The following ATG7 variants were observed in gnomAD, a reference collection of about 807,000 sequenced individuals.
The protein encoded by ATG7 is autophagy related 7, also known as ubiquitin-like modifier-activating enzyme ATG7.
ATG7 carries 70 observed loss-of-function variants against 82.4 expected under a neutral mutation model. That is an observed-to-expected ratio of 0.85 (90% CI 0.70 to 1.04). The LOEUF (loss-of-function observed/expected upper bound fraction) is 1.04, where lower values mean the gene tolerates loss of function less well. Among genes scored for constraint, ATG7 ranks in the 50% least tolerant of loss-of-function variants. The probability of loss-of-function intolerance (pLI) is 0.00; values close to 1 mark genes in which losing one functional copy is unlikely to be tolerated. For missense variants in ATG7, 792 were observed against 864.3 expected (o/e 0.92, Z 1.05); for synonymous variants, 287 against 313.0 (o/e 0.92, Z 0.88).
At chr3:11,513,277 T>A (rs572608142) in intron 20 of ATG7, among the ~76,000 whole-genome samples, 9 of 152,328 alleles carry the variant, frequency 5.9e-5, no homozygotes, top group African/African-American at 2.2e-4. Flanking sequence ...TGGATGAGAC[T>A]GGGCGCCGTG....
intron 20 of ATG7, among the ~76,000 whole-genome samples, chr3:11,472,424 CTA>C (rs150308973): frequency 0.011 from 1,705 of 152,182 alleles, 28 homozygotes; most frequent in African/African-American, 0.039. Flanking sequence ...GACCCTGTCA[CTA>C]TGGTAGAGGA....
chr3:11,282,699 T>C (rs1313840669), intron 3 of ATG7, among the ~76,000 whole-genome samples: 1 of 152,260 alleles, frequency 6.6e-6, no homozygotes, highest in Non-Finnish European at 1.5e-5. Context: ...CTCTTTCTTC[T>C]AAGTTTAGAA....
chr3:11,388,873 G>A (rs1284641322), intron 19 of ATG7, among the ~76,000 whole-genome samples: 1 of 152,062 alleles, frequency 6.6e-6, no homozygotes, highest in Admixed American at 6.5e-5. Context: ...AGCTGGAACT[G>A]GGAAAGCTTT....
the ATG7 span, among the ~76,000 whole-genome samples, chr3:11,571,936 G>C: frequency 1.8e-3 from 275 of 152,244 alleles, 2 homozygotes; most frequent in Non-Finnish European, 2.8e-4. Context: ...GCAAAACCCT[G>C]TCTCTACTAA....
intron 19 of ATG7, among the ~76,000 whole-genome samples, chr3:11,417,815 A>T (rs28858107): frequency 0.32 from 20,452 of 63,456 alleles, 2,298 homozygotes; most frequent in East Asian, 0.57. Flanking sequence ...ATTTTATTTT[A>T]TTTTTTTTTT....
intron 20 of ATG7, among the ~76,000 whole-genome samples, chr3:11,535,692 C>T (rs1174828428): frequency 1.3e-5 from 2 of 152,134 alleles, no homozygotes; most frequent in African/African-American, 2.4e-5. Flanking sequence ...TTCAACCAGG[C>T]TCCTTGGTAA....
At chr3:11,406,758 C>T (rs13092966) in intron 19 of ATG7, among the ~76,000 whole-genome samples, 31,952 of 152,002 alleles carry the variant, frequency 0.21, 3,800 homozygotes, top group South Asian at 0.34. Context: ...GAGAAACTCC[C>T]ATTCTTAAAA....
At chr3:11,536,939 T>G (rs749419853) in intron 20 of ATG7, among the ~76,000 whole-genome samples, 207 of 152,236 alleles carry the variant, frequency 1.4e-3, no homozygotes, top group Non-Finnish European at 1.9e-3. Context: ...TAAAATATAA[T>G]CTGAACCCGT....
intron 20 of ATG7, among the ~76,000 whole-genome samples, chr3:11,549,400 C>T (rs918015493): frequency 5.3e-5 from 8 of 152,194 alleles, no homozygotes; most frequent in Non-Finnish European, 1.2e-4. Flanking sequence ...TTCCAGTGTA[C>T]AGTCCAGCAT....
rs759625928 is a variant in ATG7, at chr3:11,554,797, CCTT to C, written c.2080-11_2080-9del. On this transcript the variant is annotated splice_polypyrimidine_tract_variant and intron_variant, in intron 20 of 20. Transcript: ENST00000693202. ...TGGGACATCTCGGCTGAGCCTCTCC[CCTT>C]CTCCATGCAGATCTGGGACATGAGC... The C allele has an allele frequency of 6.2e-7, 1 of 1,613,280 alleles. No homozygotes were observed. Among genetic ancestry groups the C allele is most frequent in the African/African-American group, 1.3e-5 (1 of 75,024 alleles).
chr3:11,574,310 C>A, the ATG7 span, among the ~76,000 whole-genome samples: 2 of 152,192 alleles, frequency 1.3e-5, no homozygotes, highest in East Asian at 3.9e-4. Context: ...AAAGCTTCCT[C>A]TGGACATTTA....
intron 14 of ATG7, 116 bp downstream of exon 14, chr3:11,348,151 C>A: frequency 7.2e-7 from 1 of 1,382,206 alleles, no homozygotes; most frequent in Non-Finnish European, 9.8e-7. Context: ...TTCTACCAGC[C>A]ACTCGCTATG....
intron 19 of ATG7, among the ~76,000 whole-genome samples, chr3:11,422,760 TTTTTTTTTTG>T: frequency 7.5e-6 from 1 of 133,850 alleles, no homozygotes. Context: ...TTTTTTTTTT[TTTTTTTTTTG>T]GAGACAGAGT....
chr3:11,287,456 A>G (rs1944273899), intron 3 of ATG7, among the ~76,000 whole-genome samples: 1 of 152,182 alleles, frequency 6.6e-6, no homozygotes, highest in Non-Finnish European at 1.5e-5. Flanking sequence ...AGCGGCTGCT[A>G]AGGAGCATCA....
At chr3:11,574,946 A>G in the ATG7 span, among the ~76,000 whole-genome samples, 1 of 152,064 alleles carries the variant, frequency 6.6e-6, no homozygotes, top group Non-Finnish European at 1.5e-5. Flanking sequence ...TTGTCGGCCG[A>G]GTTACCATCC....
chr3:11,479,535 C>G (rs1488474799), intron 20 of ATG7, among the ~76,000 whole-genome samples: 1 of 152,178 alleles, frequency 6.6e-6, no homozygotes, highest in Non-Finnish European at 1.5e-5. Flanking sequence ...TTCAACTAGT[C>G]CAAGTCCACC....
In ATG7 at chr3:11,546,836, G is replaced by T. The variant is rs74849862; in HGVS notation, c.2080-7975G>T. ...TGCAGGGCAGCGGCCAGTGGGGAGC[G>T]CTGAGGTGCTCAGGTCAGGCTGACC... On this transcript the variant is annotated intron_variant, in intron 20 of 20. Transcript: ENST00000693202. Among the ~76,000 whole-genome samples the T allele has an allele frequency of 2.1e-3, 325 of 152,330 alleles. 1 individual carries two copies. The highest frequency in any genetic ancestry group is 7.6e-3 in the African/African-American group (315 of 41,588).
In ATG7 at chr3:11,378,409, G is replaced by A. The variant is rs541802918; in HGVS notation, c.1876-1563G>A. ...TAGAAATGATAAATTCGGGCTGGGCGCGGTGGCTCACGCCCGTAACCCCAG... is the reference window on the plus strand; with the variant it reads ...TAGAAATGATAAATTCGGGCTGGGCACGGTGGCTCACGCCCGTAACCCCAG... On this transcript the variant is annotated intron_variant, in intron 18 of 20. Transcript: ENST00000693202. 2.9e-3 allele frequency among the ~76,000 whole-genome samples: 440 copies of A among 151,298 alleles called. 2 individuals are homozygous for A. The highest frequency in any genetic ancestry group is 2.4e-3 in the Non-Finnish European group (165 of 67,872).
intron 5 of ATG7, 51 bp from the exon 6 acceptor site, chr3:11,306,892 C>T (rs1427317474): frequency 6.8e-7 from 1 of 1,466,402 alleles, no homozygotes; most frequent in East Asian, 2.3e-5. Flanking sequence ...CTTGTCTCTC[C>T]CTGGCTGAGT....
Sources: gnomAD v4.1 joint callset for allele counts (sites outside exome capture counted in the v4.1 genomes callset) on GRCh38, gnomAD v4.1.1 for gene constraint, MANE v1.5 for transcripts, NCBI Gene and HGNC (gene_info 2026-07-23, HGNC 2026-07-21) for gene names.